ZRANB1: variants seen among roughly 807,000 people sequenced by gnomAD.
The protein encoded by ZRANB1 is ubiquitin thioesterase ZRANB1.
Under a neutral mutation model 80.5 loss-of-function variants are expected in ZRANB1, and 16 were observed. The ratio of observed to expected loss-of-function variants is 0.20; its 90% CI spans 0.13 to 0.30. The LOEUF is 0.30. ZRANB1 is among the 10% of genes least tolerant of loss of function. ZRANB1 has a pLI of 1.00. For synonymous variants in ZRANB1, 291 were observed against 293.1 expected, an observed-to-expected ratio of 0.99 and a Z score of 0.07; for missense variants, 576 against 862.6, an observed-to-expected ratio of 0.67 and a Z score of 4.16.
the ZRANB1 span, among the ~76,000 whole-genome samples, chr10:124,933,153 T>TG: frequency 7.8e-6 from 1 of 128,622 alleles, no homozygotes; most frequent in Admixed American, 7.8e-5. Context: ...TTTTTTTTTT[T>TG]GAGATGGAAT....
the ZRANB1 span, among the ~76,000 whole-genome samples, chr10:124,922,810 A>G: frequency 6.6e-6 from 1 of 151,852 alleles, no homozygotes; most frequent in African/African-American, 2.4e-5. Flanking sequence ...TAATTTTTGT[A>G]TTCAGCCGTG....
chr10:124,960,052 A>AC (rs985005689), intron 1 of ZRANB1, among the ~76,000 whole-genome samples: 1 of 152,202 alleles, frequency 6.6e-6, no homozygotes, highest in African/African-American at 2.4e-5. Flanking sequence ...GGGTTGGCTA[A>AC]CAGTATCATT....
At chr10:124,918,632 A>G in the ZRANB1 span, among the ~76,000 whole-genome samples, 1 of 152,268 alleles carries the variant, frequency 6.6e-6, no homozygotes, top group South Asian at 2.1e-4. Flanking sequence ...TGTACAAACC[A>G]TAAGCCAGGG....
At chr10:124,918,238 T>C in the ZRANB1 span, among the ~76,000 whole-genome samples, 14 of 152,326 alleles carry the variant, frequency 9.2e-5, no homozygotes, top group Non-Finnish European at 1.8e-4. Context: ...TTACCCAGGC[T>C]GGAGTGCAGT....
chr10:124,916,940 C>T, the ZRANB1 span, among the ~76,000 whole-genome samples: 1 of 151,920 alleles, frequency 6.6e-6, no homozygotes, highest in Non-Finnish European at 1.5e-5. Context: ...TCCGCAGCGC[C>T]CGCGGCCGCC....
rs768501387 is a variant in ZRANB1, at chr10:124,972,117, A to G, written c.1155A>G (p.Ala385=). 1 of 1,610,678 alleles carries G rather than the reference A, an allele frequency of 6.2e-7. No individual in the cohort carries two copies. The highest frequency in any genetic ancestry group is 8.5e-7 in the Non-Finnish European group (1 of 1,178,928). ...LTDLVTFTLP[A]DIEDLPPTVQ... Reference sequence around the variant, plus strand: ...ACCTTGTAACATTTACATTGCCAGCAGGTAACTCCAAAATCTAACGTAAAA... The same window carrying G: ...ACCTTGTAACATTTACATTGCCAGCGGGTAACTCCAAAATCTAACGTAAAA... Residue 385 remains alanine, a splice_region_variant and synonymous_variant, in exon 3 of 9, where the codon GCA becomes GCG. Coordinates refer to ENST00000359653, the MANE Select transcript of ZRANB1 (RefSeq NM_017580.3).
chr10:124,916,939 C>A, the ZRANB1 span, among the ~76,000 whole-genome samples: 1 of 152,028 alleles, frequency 6.6e-6, no homozygotes, highest in Admixed American at 6.5e-5. Context: ...GTCCGCAGCG[C>A]CCGCGGCCGC....
chr10:124,931,636 G>T, the ZRANB1 span, among the ~76,000 whole-genome samples: 4 of 152,188 alleles, frequency 2.6e-5, no homozygotes, highest in Admixed American at 6.5e-5. Flanking sequence ...CTCCCAAAAT[G>T]CTGGGATTAC....
intron 6 of ZRANB1, 45 bp downstream of exon 6, chr10:124,981,874 A>T (rs1446936215): frequency 3.1e-6 from 5 of 1,609,690 alleles, no homozygotes; most frequent in East Asian, 2.2e-5. Flanking sequence ...AAAAGTAAGC[A>T]TGTAGTCTAA....
chr10:124,947,564 C>T (rs768227037), intron 1 of ZRANB1, among the ~76,000 whole-genome samples: 4 of 152,314 alleles, frequency 2.6e-5, no homozygotes, highest in African/African-American at 7.2e-5. Flanking sequence ...ACTCATATAT[C>T]CAGCTGCCTA....
At chr10:124,921,250 G>A in the ZRANB1 span, among the ~76,000 whole-genome samples, 8 of 152,188 alleles carry the variant, frequency 5.3e-5, no homozygotes, top group African/African-American at 1.9e-4. Flanking sequence ...TTAGCATCAT[G>A]GGAAGGAGAA....
At chr10:124,921,480 T>G in the ZRANB1 span, among the ~76,000 whole-genome samples, 184 of 152,238 alleles carry the variant, frequency 1.2e-3, no homozygotes, top group African/African-American at 4.1e-3. Flanking sequence ...GGAAAATAGG[T>G]GTGTGTGTTT....
At chr10:124,943,505 C>T (rs1951554083) in intron 1 of ZRANB1, among the ~76,000 whole-genome samples, 198 bp downstream of exon 1, 2 of 147,210 alleles carry the variant, frequency 1.4e-5, no homozygotes, top group Non-Finnish European at 3.0e-5. Flanking sequence ...GAGACTGTGT[C>T]TCCACGCACA....
chr10:124,932,794 C>G, the ZRANB1 span, among the ~76,000 whole-genome samples: 1 of 152,010 alleles, frequency 6.6e-6, no homozygotes, highest in Non-Finnish European at 1.5e-5. Context: ...AACTCCTGAC[C>G]TCAGGTGATC....
At chr10:124,917,658 C>T in the ZRANB1 span, among the ~76,000 whole-genome samples, 1 of 152,224 alleles carries the variant, frequency 6.6e-6, no homozygotes, top group African/African-American at 2.4e-5. Context: ...CACTTGGGTC[C>T]ATCGCCACAA....
At chr10:124,927,112 C>T in the ZRANB1 span, among the ~76,000 whole-genome samples, 95 of 152,142 alleles carry the variant, frequency 6.2e-4, no homozygotes, top group Non-Finnish European at 1.1e-3. Context: ...CCCGCCACCT[C>T]GCCCGGCTAA....
chr10:124,927,973 G>A, the ZRANB1 span, among the ~76,000 whole-genome samples: 1 of 152,214 alleles, frequency 6.6e-6, no homozygotes, highest in African/African-American at 2.4e-5. Context: ...GGAGATGGAG[G>A]TTGCAGTGAG....
upstream of ZRANB1, among the ~76,000 whole-genome samples, chr10:124,939,603 G>A (rs1951517422): frequency 6.6e-6 from 1 of 152,142 alleles, no homozygotes; most frequent in Admixed American, 6.5e-5. Flanking sequence ...TACAAACATA[G>A]TAAGACTTAT....
intron 5 of ZRANB1, among the ~76,000 whole-genome samples, chr10:124,981,069 G>A (rs1317448299): frequency 6.6e-6 from 1 of 152,192 alleles, no homozygotes; most frequent in African/African-American, 2.4e-5. Context: ...GTTTTTATAA[G>A]ACAGTGAACC....
Sources: allele counts gnomAD v4.1 joint callset (sites outside exome capture counted in the v4.1 genomes callset), GRCh38; gene constraint gnomAD v4.1.1; transcripts MANE v1.5; gene names NCBI Gene and HGNC (gene_info 2026-07-23, HGNC 2026-07-21).